Variants in GLI3 observed in about 807,000 individuals in gnomAD.
GLI3 encodes the protein GLI family zinc finger 3, also known as transcription activator GLI3.
GLI3 carries 20 observed loss-of-function variants against 100.8 expected under a neutral mutation model. The ratio of observed to expected loss-of-function variants is 0.20; its 90% confidence interval spans 0.14 to 0.29. GLI3 has a LOEUF of 0.29. Ranked by LOEUF, GLI3 falls within the 10% of genes least tolerant of loss-of-function variation. GLI3 has a pLI of 1.00. For missense variants in GLI3, 2,040 were observed against 2,128.5 expected, an observed-to-expected ratio of 0.96 and a Z score of 0.82; for synonymous variants, 938 against 860.5, an observed-to-expected ratio of 1.09 and a Z score of -1.58.
In GLI3 at chr7:41,964,213, A is replaced by T; in HGVS notation, c.*117T>A. ...AATATAATTGAAACACATCTCAGTT[A>T]GGTGAGATGAGATTGCTAAAATACA... On this transcript the variant is annotated 3_prime_UTR_variant, in exon 15 of 15. Transcript: ENST00000395925. The T allele has an allele frequency of 1.3e-6, 1 of 776,138 alleles. No homozygotes were observed. Among genetic ancestry groups the T allele is most frequent in the Non-Finnish European group, 2.2e-6 (1 of 457,820 alleles). The allele number at this position is 776,138 out of a possible 1,614,324, so 48.1% of individuals were successfully genotyped here. A position where few individuals can be genotyped will look rare whatever the true frequency, so the allele number is the denominator to read the frequency against.
intron 2 of GLI3, among the ~76,000 whole-genome samples, chr7:42,215,995 C>A (rs139902939): frequency 9.1e-4 from 139 of 152,260 alleles, no homozygotes; most frequent in Middle Eastern, 6.8e-3. Flanking sequence ...TTAATCCTGG[C>A]AAATTATACC....
At chr7:42,242,989 G>A (rs999535426) in intron 1 of GLI3, among the ~76,000 whole-genome samples, 12 of 152,158 alleles carry the variant, frequency 7.9e-5, no homozygotes, top group Non-Finnish European at 1.3e-4. Context: ...CCTGGGAAAA[G>A]GGCATTCCCC....
At position 42,078,206 on chromosome 7, in the gene GLI3, T is replaced by C. The variant is rs549648747; in HGVS notation, c.368-1349A>G. Reference sequence around the variant, plus strand: ...TGGGTGGAAATGGATGATTATTAGATGTGTGTAATGTTGAATTCAGGTGGT... The same window carrying C: ...TGGGTGGAAATGGATGATTATTAGACGTGTGTAATGTTGAATTCAGGTGGT... On this transcript the variant is annotated intron_variant, in intron 3 of 14. Coordinates refer to ENST00000395925, the MANE Select transcript of GLI3 (RefSeq NM_000168.6). Among the ~76,000 whole-genome samples, 10 of 152,312 alleles carry C rather than the reference T, an allele frequency of 6.6e-5. No homozygotes were observed. The East Asian group carries it at 1.2e-3, about 18-fold the overall frequency.
chr7:42,260,997 A>T (rs1334653333), intron 1 of GLI3, among the ~76,000 whole-genome samples: 1 of 152,206 alleles, frequency 6.6e-6, no homozygotes, highest in Non-Finnish European at 1.5e-5. Context: ...CCATTCTTGC[A>T]TTGCTATAAA....
At chr7:42,153,887 C>T (rs963054311) in intron 2 of GLI3, among the ~76,000 whole-genome samples, 1 of 152,028 alleles carries the variant, frequency 6.6e-6, no homozygotes, top group African/African-American at 2.4e-5. Flanking sequence ...CCAATGATGG[C>T]GGTAGGACAA....
chr7:42,249,004 A>C (rs1197708362), intron 1 of GLI3, among the ~76,000 whole-genome samples: 4 of 152,064 alleles, frequency 2.6e-5, no homozygotes, highest in African/African-American at 9.7e-5. Flanking sequence ...AGCCTCCCAA[A>C]GTGGCTGGGA....
chr7:42,017,404 T>G (rs1788796970), intron 10 of GLI3, among the ~76,000 whole-genome samples: 1 of 152,050 alleles, frequency 6.6e-6, no homozygotes, highest in Admixed American at 6.6e-5. Flanking sequence ...ATGAATGAAT[T>G]AAGAAAGTAA....
intron 2 of GLI3, among the ~76,000 whole-genome samples, chr7:42,198,181 G>A (rs1414244066): frequency 1.3e-5 from 2 of 152,172 alleles, no homozygotes; most frequent in Non-Finnish European, 2.9e-5. Flanking sequence ...ACTATGTGAA[G>A]GACACAGGAC....
At chr7:42,136,207 A>T (rs531862964) in intron 3 of GLI3, among the ~76,000 whole-genome samples, 1 of 152,358 alleles carries the variant, frequency 6.6e-6, no homozygotes. Flanking sequence ...GAGACAGCCC[A>T]TCTTCCAAAA....
At chr7:42,166,650 CTTTTTTTTTTTTTTTTT>C (rs1203814510) in intron 2 of GLI3, among the ~76,000 whole-genome samples, 2 of 80,276 alleles carry the variant, frequency 2.5e-5, no homozygotes, top group African/African-American at 6.7e-5. Flanking sequence ...GTTCTGATTC[CTTTTTTTTTTTTTTTTT>C]TTTTTTTTTT....
intron 11 of GLI3, 60 bp from the exon 12 acceptor site, chr7:41,977,782 A>T: frequency 3.5e-6 from 5 of 1,438,528 alleles, no homozygotes; most frequent in Non-Finnish European, 3.9e-6. Flanking sequence ...CTTATGCCTA[A>T]CACGCCCTCC....
At chr7:42,113,317 A>G in intron 3 of GLI3, 1 of 618,780 alleles carries the variant, frequency 1.6e-6, no homozygotes, top group African/African-American at 1.8e-5. Context: ...CCCGCACACC[A>G]CCACATCCTG....
At chr7:42,246,986 G>A (rs1788983292) in intron 1 of GLI3, among the ~76,000 whole-genome samples, 2 of 151,978 alleles carry the variant, frequency 1.3e-5, no homozygotes, top group Admixed American at 6.6e-5. Context: ...TTTGAATGTG[G>A]TGGTTCCATT....
At chr7:42,000,947 A>AG (rs1275257874) in intron 10 of GLI3, among the ~76,000 whole-genome samples, 1 of 152,082 alleles carries the variant, frequency 6.6e-6, no homozygotes, top group Non-Finnish European at 1.5e-5. Context: ...AAACATTTTA[A>AG]GAAAAAAAAA....
intron 2 of GLI3, among the ~76,000 whole-genome samples, chr7:42,164,483 C>T (rs1411372819): frequency 6.6e-6 from 1 of 151,968 alleles, no homozygotes; most frequent in Non-Finnish European, 1.5e-5. Context: ...CATGCCACTG[C>T]ACTCTAGCCT....
chr7:42,069,625 G>A (rs890583128), intron 4 of GLI3, among the ~76,000 whole-genome samples: 2 of 152,170 alleles, frequency 1.3e-5, no homozygotes, highest in Non-Finnish European at 2.9e-5. Context: ...ACATGGCATT[G>A]CTCATAAAAA....
chr7:42,070,002 C>T (rs550130645), intron 4 of GLI3, among the ~76,000 whole-genome samples: 19 of 152,310 alleles, frequency 1.2e-4, no homozygotes, highest in African/African-American at 2.6e-4. Context: ...GAAGGCTCTA[C>T]GCAGATACAC....
intron 1 of GLI3, among the ~76,000 whole-genome samples, chr7:42,252,258 G>A (rs1385352278): frequency 2.6e-5 from 4 of 152,130 alleles, no homozygotes; most frequent in Admixed American, 1.3e-4. Flanking sequence ...ACCAAATACC[G>A]TATGTTCTCA....
intron 10 of GLI3, among the ~76,000 whole-genome samples, chr7:42,016,686 AATCATCATCATCACCACCATCATCATC>A (rs923806474): frequency 3.3e-5 from 5 of 152,010 alleles, no homozygotes; most frequent in Non-Finnish European, 4.4e-5. Flanking sequence ...ATTCTTCTCA[AATCATCATCATCACCACCATCATCATC>A]ATCATCATCA....
Sources: gnomAD v4.1 joint callset for allele counts (sites outside exome capture counted in the v4.1 genomes callset) on GRCh38, gnomAD v4.1.1 for gene constraint, MANE v1.5 for transcripts, NCBI Gene and HGNC (gene_info 2026-07-23, HGNC 2026-07-21) for gene names.